LRP1B: variants seen among roughly 807,000 people sequenced by gnomAD.
The protein encoded by LRP1B is low-density lipoprotein receptor-related protein 1B.
LRP1B carries 217 observed loss-of-function variants against 556.6 expected under a neutral mutation model. The observed-to-expected ratio is 0.39, with a 90% confidence interval of 0.35 to 0.44. The LOEUF (loss-of-function observed/expected upper bound fraction) is 0.44, where lower values mean the gene tolerates loss of function less well. LRP1B is among the 20% of genes least tolerant of loss of function. The probability of loss-of-function intolerance (pLI) is 1.00; values close to 1 mark genes in which losing one functional copy is unlikely to be tolerated. For synonymous variants in LRP1B, 2,047 were observed against 1,865.8 expected (o/e 1.10, Z -2.50); for missense variants, 5,053 against 5,620.8 (o/e 0.90, Z 3.23).
intron 3 of LRP1B, among the ~76,000 whole-genome samples, chr2:141,327,224 T>C (rs1481889936): frequency 3.3e-5 from 5 of 152,152 alleles, no homozygotes; most frequent in Admixed American, 1.3e-4. Flanking sequence ...ATCTTTTAAA[T>C]TGAGTTACCT....
chr2:140,400,506 C>T (rs1016334840), intron 66 of LRP1B, among the ~76,000 whole-genome samples: 6 of 152,172 alleles, frequency 3.9e-5, no homozygotes, highest in African/African-American at 1.2e-4. Flanking sequence ...AAGTATACTT[C>T]TGTATTCATA....
At chr2:141,902,136 CACTATT>C (rs1175033747) in intron 1 of LRP1B, among the ~76,000 whole-genome samples, 2 of 151,174 alleles carry the variant, frequency 1.3e-5, no homozygotes, top group East Asian at 1.9e-4. Context: ...TAATAATTGA[CACTATT>C]ACTATTAATT....
At position 140,899,762 on chromosome 2, in the gene LRP1B, T is replaced by G. The variant is rs141807270; in HGVS notation, c.3766+3158A>C. Among the ~76,000 whole-genome samples the G allele has an allele frequency of 1.7e-3, 260 of 152,300 alleles. 1 individual carries two copies. The highest frequency in any genetic ancestry group is 5.8e-3 in the African/African-American group (243 of 41,578). On this transcript the variant is annotated intron_variant, in intron 23 of 90. Coordinates refer to ENST00000389484, the MANE Select transcript of LRP1B (RefSeq NM_018557.3). Reference sequence around the variant, plus strand: ...TCCCCAAGGCTGCAGTAGCAAATTCTTTACTATTTCAGGCAACTTATCGAT... The same window carrying G: ...TCCCCAAGGCTGCAGTAGCAAATTCGTTACTATTTCAGGCAACTTATCGAT...
intron 1 of LRP1B, among the ~76,000 whole-genome samples, chr2:141,838,937 G>A (rs573548322): frequency 7.9e-5 from 12 of 152,292 alleles, no homozygotes; most frequent in Non-Finnish European, 1.6e-4. Flanking sequence ...AACCTGGCCA[G>A]CAGTCTGCTT....
chr2:141,062,507 A>G (rs1699363434), intron 7 of LRP1B, among the ~76,000 whole-genome samples: 1 of 151,796 alleles, frequency 6.6e-6, no homozygotes, highest in Non-Finnish European at 1.5e-5. Context: ...CCCAAAATGA[A>G]TGATTATAGT....
chr2:140,596,249 A>G (rs946604547), intron 43 of LRP1B, among the ~76,000 whole-genome samples: 8 of 152,190 alleles, frequency 5.3e-5, no homozygotes, highest in African/African-American at 1.7e-4. Context: ...TGATGACCCC[A>G]GCTTCAAATG....
At chr2:140,258,913 A>T (rs1185712429) in intron 86 of LRP1B, among the ~76,000 whole-genome samples, 1 of 152,066 alleles carries the variant, frequency 6.6e-6, no homozygotes, top group African/African-American at 2.4e-5. Flanking sequence ...TAAGAAATCT[A>T]TTTTTTCAAA....
At chr2:141,531,978 T>A (rs1684890586) in intron 2 of LRP1B, among the ~76,000 whole-genome samples, 1 of 152,124 alleles carries the variant, frequency 6.6e-6, no homozygotes, top group South Asian at 2.1e-4. Context: ...GAAAAGTCAC[T>A]GTTTGTGCTG....
intron 6 of LRP1B, among the ~76,000 whole-genome samples, chr2:141,225,179 GCTAGGTATACT>G (rs1683195559): frequency 6.6e-6 from 1 of 152,024 alleles, no homozygotes; most frequent in Non-Finnish European, 1.5e-5. Flanking sequence ...TTTATTTTTA[GCTAGGTATACT>G]CTACTGGATT....
intron 7 of LRP1B, among the ~76,000 whole-genome samples, chr2:141,136,175 A>G (rs1316407371): frequency 6.6e-6 from 1 of 151,938 alleles, no homozygotes; most frequent in Non-Finnish European, 1.5e-5. Flanking sequence ...ATGCGTATGA[A>G]TAGACATTCT....
intron 77 of LRP1B, among the ~76,000 whole-genome samples, chr2:140,346,647 G>A (rs185092657): frequency 4.8e-4 from 73 of 151,870 alleles, no homozygotes; most frequent in Non-Finnish European, 1.2e-4. Context: ...ACTTTGAAGT[G>A]TTTTTGCACA....
intron 1 of LRP1B, among the ~76,000 whole-genome samples, chr2:141,888,560 CA>C (rs1699192033): frequency 6.6e-6 from 1 of 152,084 alleles, no homozygotes; most frequent in African/African-American, 2.4e-5. Context: ...AAAGCAAAAT[CA>C]AAAACTATAG....
intron 51 of LRP1B, among the ~76,000 whole-genome samples, chr2:140,511,127 A>G (rs992408095): frequency 6.6e-6 from 1 of 152,064 alleles, no homozygotes; most frequent in Non-Finnish European, 1.5e-5. Context: ...CTAGATGAAA[A>G]ATATTTGTTT....
intron 1 of LRP1B, among the ~76,000 whole-genome samples, chr2:142,061,016 A>C (rs1350180063): frequency 6.6e-6 from 1 of 151,952 alleles, no homozygotes; most frequent in East Asian, 1.9e-4. Flanking sequence ...AAGAGGATTT[A>C]GGTGAATGAA....
intron 3 of LRP1B, among the ~76,000 whole-genome samples, chr2:141,268,532 G>A (rs533376488): frequency 3.3e-5 from 5 of 152,020 alleles, no homozygotes; most frequent in African/African-American, 9.7e-5. Context: ...CAATGAAATC[G>A]TGCAACATGG....
intron 32 of LRP1B, among the ~76,000 whole-genome samples, chr2:140,779,548 A>T (rs1232466295): frequency 6.6e-6 from 1 of 151,964 alleles, no homozygotes; most frequent in Non-Finnish European, 1.5e-5. Flanking sequence ...TACAGAAATT[A>T]GCCAGGCATG....
intron 35 of LRP1B, among the ~76,000 whole-genome samples, chr2:140,730,064 A>G (rs1280233872): frequency 1.3e-5 from 2 of 152,168 alleles, no homozygotes; most frequent in Non-Finnish European, 2.9e-5. Flanking sequence ...CCTAACAACC[A>G]CATCCAATCA....
chr2:142,056,865 G>A (rs960646394), intron 1 of LRP1B, among the ~76,000 whole-genome samples: 2 of 151,782 alleles, frequency 1.3e-5, no homozygotes, highest in Non-Finnish European at 1.5e-5. Flanking sequence ...TTTCAGCCCA[G>A]GCAATCTATT....
intron 1 of LRP1B, among the ~76,000 whole-genome samples, chr2:141,982,746 A>G (rs1410998651): frequency 1.3e-5 from 2 of 152,220 alleles, no homozygotes; most frequent in Non-Finnish European, 2.9e-5. Flanking sequence ...TTCACATAAC[A>G]GGATCCTGTT....
Sources: gnomAD v4.1 joint callset for allele counts (sites outside exome capture counted in the v4.1 genomes callset) on GRCh38, gnomAD v4.1.1 for gene constraint, MANE v1.5 for transcripts, NCBI Gene and HGNC (gene_info 2026-07-23, HGNC 2026-07-21) for gene names.